The following RGPD3 variants were observed in gnomAD, a reference collection of about 807,000 sequenced individuals.
RGPD3 encodes ranBP2-like and GRIP domain-containing protein 3.
A neutral mutation model predicts 154.5 loss-of-function variants in RGPD3; 62 were observed. That is an observed-to-expected ratio of 0.40 (90% CI 0.33 to 0.50). The LOEUF (loss-of-function observed/expected upper bound fraction) is 0.50. RGPD3 is among the 20% of genes least tolerant of loss of function. The probability of loss-of-function intolerance (pLI) is 0.59; values close to 1 mark genes in which losing one functional copy is unlikely to be tolerated. For missense variants in RGPD3, 919 were observed against 1,716.8 expected, an observed-to-expected ratio of 0.54 and a Z score of 8.21; for synonymous variants, 308 against 607.0, an observed-to-expected ratio of 0.51 and a Z score of 7.24.
chr2:106,449,349 C>A (rs1163486178), intron 6 of RGPD3, among the ~76,000 whole-genome samples: 1 of 146,922 alleles, frequency 6.8e-6, no homozygotes, highest in African/African-American at 2.5e-5. Flanking sequence ...ACCTGTAATT[C>A]CAGCTACTTG....
intron 1 of RGPD3, among the ~76,000 whole-genome samples, chr2:106,466,250 G>C (rs1200142745): frequency 2.6e-5 from 4 of 152,094 alleles, no homozygotes; most frequent in Non-Finnish European, 4.4e-5. Flanking sequence ...CTCTTCCTGC[G>C]CTTGCAAGCG....
At chr2:106,465,726 G>A (rs1218667746) in intron 1 of RGPD3, among the ~76,000 whole-genome samples, 1 of 151,292 alleles carries the variant, frequency 6.6e-6, no homozygotes, top group Admixed American at 6.6e-5. Flanking sequence ...AAGAACTTTA[G>A]AATTTTTTTT....
chr2:106,433,481 AT>A (rs1171176505), intron 15 of RGPD3, among the ~76,000 whole-genome samples, 196 bp from the exon 16 acceptor site: 2 of 60,616 alleles, frequency 3.3e-5, no homozygotes, highest in Non-Finnish European at 7.2e-5. Context: ...TATTATTTTT[AT>A]TTTTTTGTCT....
intron 22 of RGPD3, among the ~76,000 whole-genome samples, chr2:106,409,416 T>A (rs1211414235): frequency 6.6e-6 from 1 of 152,048 alleles, no homozygotes; most frequent in African/African-American, 2.4e-5. Flanking sequence ...GAATTTTCAG[T>A]GAAGGCAGAT....
At chr2:106,438,205 G>A (rs1677631180) in intron 9 of RGPD3, among the ~76,000 whole-genome samples, 1 of 152,086 alleles carries the variant, frequency 6.6e-6, no homozygotes, top group Non-Finnish European at 1.5e-5. Flanking sequence ...TGGGATTACA[G>A]ATATGAGCCA....
chr2:106,405,318 A>T (rs1477374681), intron 22 of RGPD3, 89 bp from the exon 23 acceptor site: 3 of 1,204,082 alleles, frequency 2.5e-6, no homozygotes, highest in Non-Finnish European at 3.5e-6. Context: ...TCTACAATAT[A>T]AGCAAATAAT....
Position 106,424,914 on chromosome 2 carries a change from G to T in RGPD3, c.3053C>A (p.Ser1018Tyr), listed in dbSNP as rs1677145164. The T allele has an allele frequency of 5.6e-6, 9 of 1,611,640 alleles. No homozygotes were observed. The highest frequency in any genetic ancestry group is 6.8e-6 in the Non-Finnish European group (8 of 1,179,824). ...ATCATCATCTTTCTCAAAGTCACCG[G>T]AAGTGTTTGCTTTATTGGCCATTTT... ...YGKMANKANT[S>Y]GDFEKDDDAY... is the part of the protein sequence containing the mutation. The change falls in exon 20 of 23, where the codon TCC becomes TAC. Residue 1018 changes from serine (S) to tyrosine (Y), a missense_variant. Ser to Tyr is a moderately radical substitution (Grantham distance 144). Transcript: ENST00000409886.
rs1676450375 is a variant in RGPD3 at position 106,404,557 on chromosome 2, AT to A, written c.*661del. ...TTTCCTTCATATTCTAATCACAAAA[AT>A]TTCTCAACAATTTATAACAATCTGT... is the stretch of plus-strand genomic sequence containing the variant. On this transcript the variant is annotated 3_prime_UTR_variant, in exon 23 of 23. Transcript: ENST00000409886. Among the ~76,000 whole-genome samples, 1 of 128,378 alleles carries A rather than the reference AT, an allele frequency of 7.8e-6. No homozygotes were observed. The highest frequency in any genetic ancestry group is 1.6e-5 in the Non-Finnish European group (1 of 61,028). The allele number at this position is 128,378 out of a possible 152,430, so 84.2% of individuals were successfully genotyped here. A position where few individuals can be genotyped will look rare whatever the true frequency, so the allele number is the denominator to read the frequency against.
chr2:106,432,277 ACT>A (rs1677386101), intron 17 of RGPD3, among the ~76,000 whole-genome samples: 1 of 147,580 alleles, frequency 6.8e-6, no homozygotes, highest in Non-Finnish European at 1.5e-5. Context: ...ACATGGTGAA[ACT>A]CTGTGTCTAC....
chr2:106,446,370 A>G (rs1247886651), intron 7 of RGPD3, among the ~76,000 whole-genome samples: 1 of 152,092 alleles, frequency 6.6e-6, no homozygotes, highest in Admixed American at 6.6e-5. Flanking sequence ...GATTGAGACC[A>G]TCCTGGCTAA....
At chr2:106,446,394 C>G (rs1159135141) in intron 7 of RGPD3, among the ~76,000 whole-genome samples, 1 of 151,882 alleles carries the variant, frequency 6.6e-6, no homozygotes, top group Admixed American at 6.6e-5. Flanking sequence ...GGTGAAACCC[C>G]GTCTCTACTA....
At position 106,437,641 on chromosome 2, in the gene RGPD3, T is replaced by A. The variant is rs755711206; in HGVS notation, c.1277-787A>T. On this transcript the variant is annotated intron_variant, in intron 9 of 22. Coordinates refer to ENST00000409886, the MANE Select transcript of RGPD3 (RefSeq NM_001144013.2). ...ATGTCCTTTGTCTCAGTAATTCTGT[T>A]TATAGGTATCTCTATGGAAATAACT... is the stretch of plus-strand genomic sequence containing the variant. Among the ~76,000 whole-genome samples, 14 of 152,288 alleles carry A rather than the reference T, an allele frequency of 9.2e-5. No individual in the cohort carries two copies. In the East Asian group the frequency reaches 1.2e-3, roughly 13 times the overall value.
chr2:106,424,159 C>A lies in RGPD3; in HGVS notation c.3808G>T (p.Ala1270Ser), dbSNP rs1181011273. The A allele has an allele frequency of 6.2e-7, 1 of 1,610,890 alleles. No individual in the cohort carries two copies. ...ACAGGGCTACTTGCCAATGGAGAAGCATGTACTGAGCTACTACTGACACTA... is the reference window on the plus strand; with the variant it reads ...ACAGGGCTACTTGCCAATGGAGAAGAATGTACTGAGCTACTACTGACACTA... ...DDSVSSSSVH[A>S]SPLASSPVRK... Residue 1270 changes from alanine to serine, a missense_variant, in exon 20 of 23, where the codon GCT becomes TCT. Physicochemically the swap from Ala to Ser is moderately conservative, Grantham distance 99 (BLOSUM62 1). Transcript: ENST00000409886.
rs1677122816 is a variant in RGPD3, at chr2:106,424,580, T to TG, written c.3386dup (p.Trp1130MetfsTer7). On this transcript the variant is annotated frameshift_variant, in exon 20 of 23. Transcript: ENST00000409886. LOFTEE classifies it high-confidence loss of function. The stretch of plus-strand genomic sequence containing the variant: ...AGAAATCACTGGCTGACCACATCCA[T>TG]GCTCTATCTGATCCAGAGAGGGGCT... The TG allele has an allele frequency of 4.3e-6, 7 of 1,611,150 alleles. No homozygotes were observed. In the East Asian group the frequency reaches 1.6e-4, roughly 36 times the overall value.
chr2:106,428,778 G>T (rs1030014987), intron 18 of RGPD3, among the ~76,000 whole-genome samples: 1 of 149,824 alleles, frequency 6.7e-6, no homozygotes, highest in Non-Finnish European at 1.5e-5. Flanking sequence ...CTGCCTGGGA[G>T]CAATGTATTA....
chr2:106,415,813 T>G, intron 21 of RGPD3, 37 bp downstream of exon 21: 1 of 1,611,398 alleles, frequency 6.2e-7, no homozygotes, highest in Non-Finnish European at 8.5e-7. Context: ...AAAACCAAAC[T>G]GGCAGTTTTT....
chr2:106,414,866 G>A (rs1676777501), intron 21 of RGPD3, among the ~76,000 whole-genome samples: 1 of 151,802 alleles, frequency 6.6e-6, no homozygotes, highest in African/African-American at 2.4e-5. Flanking sequence ...GATCTATTAG[G>A]AGCAGCAAAG....
chr2:106,421,799 C>T (rs1573249784), intron 20 of RGPD3, among the ~76,000 whole-genome samples: 1 of 150,946 alleles, frequency 6.6e-6, no homozygotes, highest in African/African-American at 2.4e-5. Context: ...TAAAGATAAA[C>T]ATTAGATAAA....
In RGPD3 at chr2:106,413,192, A is replaced by C; in HGVS notation, c.5158T>G (p.Phe1720Val). 6.2e-7 allele frequency: 1 copy of C among 1,611,978 alleles called. No homozygotes were observed. Among genetic ancestry groups the C allele is most frequent in the East Asian group, 2.2e-5 (1 of 44,870 alleles). ...VEHLKNVLLQ[F>V]IFLKPGSERE... The stretch of plus-strand genomic sequence containing the variant: ...TCACTACCTGGCTTCAAGAAAATGA[A>C]CTGCAGCAAGACGTTCTTCAAGTGT... Residue 1720 changes from phenylalanine (F) to valine (V), a missense_variant, in exon 22 of 23, where the codon TTC becomes GTC. Coordinates refer to ENST00000409886, the MANE Select transcript of RGPD3 (RefSeq NM_001144013.2).
Sources: gnomAD v4.1 joint callset for allele counts (sites outside exome capture counted in the v4.1 genomes callset) on GRCh38, gnomAD v4.1.1 for gene constraint, MANE v1.5 for transcripts, NCBI Gene and HGNC (gene_info 2026-07-23, HGNC 2026-07-21) for gene names.